The following HCN1 variants were observed in gnomAD, a reference collection of about 807,000 sequenced individuals.
The protein encoded by HCN1 is hyperpolarization activated cyclic nucleotide gated potassium channel 1.
A neutral mutation model predicts 78.9 loss-of-function variants in HCN1; 13 were observed. The observed-to-expected ratio is 0.16, with a 90% CI of 0.11 to 0.26. The LOEUF (loss-of-function observed/expected upper bound fraction) is 0.26, where lower values mean the gene tolerates loss of function less well. HCN1 is among the 10% of genes least tolerant of loss of function. The pLI, the probability that HCN1 is intolerant of heterozygous loss-of-function variation, is 1.00. For missense variants in HCN1, 810 were observed against 1,154.3 expected (o/e 0.70, Z 4.32); for synonymous variants, 552 against 455.5 (o/e 1.21, Z -2.70).
intron 2 of HCN1, among the ~76,000 whole-genome samples, chr5:45,539,959 T>A (rs920689676): frequency 1.5e-5 from 2 of 136,716 alleles, no homozygotes; most frequent in African/African-American, 5.6e-5. Flanking sequence ...TATATATATA[T>A]AAAATGTTTA....
chr5:45,460,653 T>G (rs1741127700), intron 3 of HCN1, among the ~76,000 whole-genome samples: 1 of 151,634 alleles, frequency 6.6e-6, no homozygotes, highest in Non-Finnish European at 1.5e-5. Flanking sequence ...GAGATCTAGG[T>G]AAATATAATA....
At chr5:45,482,825 T>A (rs1006846511) in intron 2 of HCN1, among the ~76,000 whole-genome samples, 6 of 152,186 alleles carry the variant, frequency 3.9e-5, no homozygotes, top group African/African-American at 1.4e-4. Context: ...GTGCTCAATA[T>A]TTAGCTCCCA....
chr5:45,492,290 C>CTG (rs1554028340), intron 2 of HCN1, among the ~76,000 whole-genome samples: 6 of 141,518 alleles, frequency 4.2e-5, no homozygotes, highest in East Asian at 2.0e-4. Flanking sequence ...CACCAAAACT[C>CTG]TGTGTATGTG....
intron 7 of HCN1, among the ~76,000 whole-genome samples, chr5:45,266,025 G>A (rs751251128): frequency 1.1e-4 from 16 of 152,132 alleles, no homozygotes; most frequent in South Asian, 2.1e-4. Context: ...CCAAAAAAAA[G>A]TAGAGAAGGG....
intron 2 of HCN1, among the ~76,000 whole-genome samples, chr5:45,467,390 T>C (rs893901003): frequency 6.6e-6 from 1 of 152,146 alleles, no homozygotes; most frequent in Non-Finnish European, 1.5e-5. Context: ...TTGCCTACAC[T>C]ACCCATAATT....
At position 45,396,763 on chromosome 5, in the gene HCN1, A is replaced by G. The variant is rs184682581; in HGVS notation, c.1012-53T>C. 58 of 1,317,474 alleles carry G rather than the reference A, an allele frequency of 4.4e-5. No homozygotes were observed. The Admixed American group carries it at 9.7e-4, about 22-fold the overall frequency. 81.6% of individuals were successfully genotyped at this position (1,317,474 alleles called of 1,614,324 possible). On this transcript the variant is annotated intron_variant, in intron 3 of 7. Coordinates refer to ENST00000303230, the MANE Select transcript of HCN1 (RefSeq NM_021072.4). ...ACTGAGCCATTAGGATGGCAGAATGAAAAGTGAGTAGGACCTGTACACAGA... is the reference window on the plus strand; with the variant it reads ...ACTGAGCCATTAGGATGGCAGAATGGAAAGTGAGTAGGACCTGTACACAGA...
At chr5:45,583,269 G>A (rs537348455) in intron 2 of HCN1, among the ~76,000 whole-genome samples, 5 of 152,010 alleles carry the variant, frequency 3.3e-5, no homozygotes, top group South Asian at 2.1e-4. Flanking sequence ...TGTACGTGTC[G>A]AGGAATTTAT....
intron 2 of HCN1, among the ~76,000 whole-genome samples, chr5:45,492,424 A>ATATAC (rs1741905674): frequency 8.9e-6 from 1 of 112,060 alleles, no homozygotes; most frequent in Non-Finnish European, 1.9e-5. Flanking sequence ...TATATATATA[A>ATATAC]AATTTGAAGT....
At chr5:45,611,647 G>T (rs1744840484) in intron 2 of HCN1, among the ~76,000 whole-genome samples, 1 of 152,062 alleles carries the variant, frequency 6.6e-6, no homozygotes, top group Non-Finnish European at 1.5e-5. Context: ...TAAGAGCCAT[G>T]AAGTCTTATA....
intron 2 of HCN1, among the ~76,000 whole-genome samples, chr5:45,622,090 C>T (rs979564000): frequency 6.6e-6 from 1 of 151,792 alleles, no homozygotes. Context: ...GACGTGGTGG[C>T]GGGCGCCTGT....
intron 2 of HCN1, among the ~76,000 whole-genome samples, chr5:45,623,701 T>C (rs998086636): frequency 2.6e-5 from 4 of 152,200 alleles, no homozygotes; most frequent in African/African-American, 9.7e-5. Flanking sequence ...TACGTTGTTT[T>C]AGGCAAAGAG....
At chr5:45,582,007 C>A (rs542766177) in intron 2 of HCN1, among the ~76,000 whole-genome samples, 1 of 152,126 alleles carries the variant, frequency 6.6e-6, no homozygotes, top group Non-Finnish European at 1.5e-5. Context: ...AATGCGGGCT[C>A]TTTTTTGGTT....
chr5:45,637,908 A>G (rs1745384231), intron 2 of HCN1, among the ~76,000 whole-genome samples: 1 of 152,164 alleles, frequency 6.6e-6, no homozygotes, highest in Non-Finnish European at 1.5e-5. Flanking sequence ...GCAGGTGGGT[A>G]ATATGGTAAT....
At chr5:45,666,820 G>C (rs1746059898) in intron 1 of HCN1, among the ~76,000 whole-genome samples, 1 of 151,950 alleles carries the variant, frequency 6.6e-6, no homozygotes, top group Admixed American at 6.6e-5. Flanking sequence ...CTGCATCATA[G>C]AATCAGTCTA....
Position 45,658,746 on chromosome 5 carries a change from C to T in HCN1, c.426-13138G>A, listed in dbSNP as rs187747173. Among the ~76,000 whole-genome samples, 345 of 152,054 alleles carry T rather than the reference C, an allele frequency of 2.3e-3. 1 individual carries two copies. The highest frequency in any genetic ancestry group is 7.7e-3 in the African/African-American group (321 of 41,462). ...CACCCGAATATTGCACTTTTCAGACCGGCTTAAAAAACGGCGCACCACGAG... is the reference window on the plus strand; with the variant it reads ...CACCCGAATATTGCACTTTTCAGACTGGCTTAAAAAACGGCGCACCACGAG... On this transcript the variant is annotated intron_variant, in intron 1 of 7. Coordinates refer to ENST00000303230, the MANE Select transcript of HCN1 (RefSeq NM_021072.4).
intron 2 of HCN1, among the ~76,000 whole-genome samples, chr5:45,607,224 T>C (rs1394785716): frequency 2.6e-5 from 4 of 151,686 alleles, no homozygotes; most frequent in Non-Finnish European, 5.9e-5. Flanking sequence ...AAATATCAAA[T>C]GAAAAATGGG....
intron 6 of HCN1, among the ~76,000 whole-genome samples, chr5:45,270,116 T>C (rs1744932096): frequency 6.6e-6 from 1 of 152,250 alleles, no homozygotes. Flanking sequence ...TTGTTTTCCT[T>C]GGCCTTCTTC....
chr5:45,473,967 T>A (rs1741461921), intron 2 of HCN1, among the ~76,000 whole-genome samples: 1 of 151,928 alleles, frequency 6.6e-6, no homozygotes, highest in South Asian at 2.1e-4. Context: ...TACTCTTTGA[T>A]ACTGCTTTCT....
chr5:45,458,948 A>G (rs1741086559), intron 3 of HCN1, among the ~76,000 whole-genome samples: 1 of 152,106 alleles, frequency 6.6e-6, no homozygotes, highest in East Asian at 1.9e-4. Context: ...CTTGTGCATA[A>G]ATATACTTTG....
Sources: gnomAD v4.1 joint callset for allele counts (sites outside exome capture counted in the v4.1 genomes callset) on GRCh38, gnomAD v4.1.1 for gene constraint, MANE v1.5 for transcripts, NCBI Gene and HGNC (gene_info 2026-07-23, HGNC 2026-07-21) for gene names.